The following ZRANB2 variants were observed in gnomAD, a reference collection of about 807,000 sequenced individuals.
The protein encoded by ZRANB2 is zinc finger RANBP2-type containing 2.
In ZRANB2, 19 loss-of-function variants were observed where a neutral mutation model predicts 53.4. The observed-to-expected ratio is 0.36, with a 90% CI of 0.25 to 0.52. The LOEUF is 0.52. Among genes scored for constraint, ZRANB2 ranks in the 20% least tolerant of loss-of-function variants. The pLI is 0.93. For synonymous variants in ZRANB2, 145 were observed against 134.8 expected (o/e 1.08, Z -0.52); for missense variants, 309 against 401.1 (o/e 0.77, Z 1.96).
intron 9 of ZRANB2, chr1:71,065,696 T>C: frequency 3.1e-6 from 5 of 1,612,050 alleles, no homozygotes; most frequent in Non-Finnish European, 4.2e-6. Flanking sequence ...AGTAGTGGTG[T>C]TCCGTAGGGG....
intron 2 of ZRANB2, 43 bp downstream of exon 2, chr1:71,078,613 T>C (rs545885249): frequency 1.9e-6 from 3 of 1,609,254 alleles, no homozygotes; most frequent in Non-Finnish European, 1.7e-6. Flanking sequence ...AATAAATAAA[T>C]GATACATATA....
At position 71,066,820 on chromosome 1, in the gene ZRANB2, A is replaced by G; in HGVS notation, c.885T>C (p.Ser295=). The part of the protein sequence containing the change: ...RKRSRSRSSS[S]GDRKKRRTRS... Reference sequence around the variant, plus strand: ...TTGTTCGTCTTTTTTTGCGATCACCAGATGAAGAAGATCTAGAACGACTTC... The same window carrying G: ...TTGTTCGTCTTTTTTTGCGATCACCGGATGAAGAAGATCTAGAACGACTTC... Residue 295 remains serine, a synonymous_variant, in exon 9 of 10, where the codon TCT becomes TCC. Coordinates refer to ENST00000370920, the MANE Select transcript of ZRANB2 (RefSeq NM_203350.3). The G allele has an allele frequency of 6.2e-7, 1 of 1,612,420 alleles. No homozygotes were observed. Among genetic ancestry groups the G allele is most frequent in the Non-Finnish European group, 8.5e-7 (1 of 1,179,480 alleles).
Position 71,071,401 on chromosome 1 carries a change from G to A in ZRANB2, c.514-405C>T, listed in dbSNP as rs138886244. ...TGCCTCTCTAGTATCTCAATATACT[G>A]ACAGTCATCACTCTGAAACACAGGA... On this transcript the variant is annotated intron_variant, in intron 6 of 9. Transcript: ENST00000370920. Among the ~76,000 whole-genome samples the A allele has an allele frequency of 1.4e-3, 207 of 152,212 alleles. 1 individual carries two copies. Among genetic ancestry groups the A allele is most frequent in the African/African-American group, 4.8e-3 (200 of 41,538 alleles).
At chr1:71,068,673 A>C (rs1452464871) in intron 8 of ZRANB2, among the ~76,000 whole-genome samples, 1 of 152,168 alleles carries the variant, frequency 6.6e-6, no homozygotes, top group Non-Finnish European at 1.5e-5. Flanking sequence ...TGTTTCTGAA[A>C]ATATTGAAAC....
chr1:71,078,746 T>C (rs546713879), intron 1 of ZRANB2, 38 bp from the exon 2 acceptor site: 3 of 1,550,532 alleles, frequency 1.9e-6, no homozygotes, highest in Non-Finnish European at 2.7e-6. Context: ...AAAATTTAAA[T>C]TTGTAAAATT....
At chr1:71,072,385 TAAA>T (rs541112752) in intron 5 of ZRANB2, 84 bp downstream of exon 5, 2 of 1,465,820 alleles carry the variant, frequency 1.4e-6, no homozygotes, top group Non-Finnish European at 1.9e-6. Context: ...AAATTGCACT[TAAA>T]AAAAAGTTTG....
chr1:71,072,060 A>T, intron 6 of ZRANB2, 61 bp downstream of exon 6: 7 of 1,559,732 alleles, frequency 4.5e-6, no homozygotes, highest in Non-Finnish European at 6.0e-6. Flanking sequence ...TGTCAAAAGC[A>T]TTCATGTTAT....
Position 71,070,914 on chromosome 1 carries a change from T to C in ZRANB2, c.596A>G (p.Asn199Ser), listed in dbSNP as rs372977521. Residue 199 changes from asparagine to serine, a missense_variant, in exon 7 of 10, where the codon AAT becomes AGT. Transcript: ENST00000370920. ...EEEDSNKKKS[N>S]RRSRSKSRSS... The stretch of plus-strand genomic sequence containing the variant: ...TCGAGACTTTGAGCGACTTCGTCTA[T>C]TAGATTTCTTTTTATTACTATCTTC... The C allele has an allele frequency of 3.1e-6, 5 of 1,611,428 alleles. No homozygotes were observed. The Admixed American group carries it at 5.0e-5, about 16-fold the overall frequency.
chr1:71,065,080 C>A lies in ZRANB2; in HGVS notation c.987G>T (p.Lys329Asn). 6.2e-7 allele frequency: 1 copy of A among 1,607,972 alleles called. No homozygotes were observed. Among genetic ancestry groups the A allele is most frequent in the South Asian group, 1.1e-5 (1 of 90,618 alleles). Reference protein sequence around the residue: ...SHSGSRSSSKKK With the variant: ...SHSGSRSSSKNK ...AGATGTAAATTTTAATACATTATTT[C>A]TTTTTTGAACTTGAACGGGAACCAG... is the stretch of plus-strand genomic sequence containing the variant. The change falls in exon 10 of 10, where the codon AAG becomes AAT. Residue 329 changes from lysine (K) to asparagine (N), a missense_variant. By Grantham distance (94) the Lys-to-Asn change is moderately conservative (BLOSUM62 0). Transcript: ENST00000370920.
At chr1:71,078,318 T>C in intron 3 of ZRANB2, 139 bp downstream of exon 3, 2 of 686,128 alleles carry the variant, frequency 2.9e-6, no homozygotes, top group Non-Finnish European at 5.0e-6. Flanking sequence ...TACTTAAAGA[T>C]GAGACTGAAT....
chr1:71,066,997 G>GTT, intron 8 of ZRANB2, 63 bp from the exon 9 acceptor site: 3 of 1,444,766 alleles, frequency 2.1e-6, no homozygotes, highest in Non-Finnish European at 9.2e-7. Context: ...AGATTATTTA[G>GTT]TTATCAGATA....
chr1:71,065,912 A>G, intron 9 of ZRANB2: 1 of 1,072,280 alleles, frequency 9.3e-7, no homozygotes, highest in Non-Finnish European at 1.3e-6. Context: ...AATGCAGAGA[A>G]ACAAGACTGT....
intron 8 of ZRANB2, among the ~76,000 whole-genome samples, chr1:71,069,034 T>C (rs1661535250): frequency 6.6e-6 from 1 of 152,078 alleles, no homozygotes; most frequent in Non-Finnish European, 1.5e-5. Context: ...AGTGCCAAAA[T>C]AATAAACGCT....
At chr1:71,069,227 C>T (rs1661540623) in intron 8 of ZRANB2, 49 bp downstream of exon 8, 1 of 1,478,542 alleles carries the variant, frequency 6.8e-7, no homozygotes. Context: ...CTTCTGCAGC[C>T]TTTAAATATT....
intron 8 of ZRANB2, chr1:71,067,814 A>G: frequency 5.5e-6 from 2 of 361,220 alleles, no homozygotes; most frequent in South Asian, 2.2e-5. Flanking sequence ...TTTTACCTAT[A>G]AAGCGCTTAA....
At chr1:71,076,753 C>T (rs201724031) in intron 4 of ZRANB2, 42 bp downstream of exon 4, 6 of 1,447,624 alleles carry the variant, frequency 4.1e-6, no homozygotes, top group Non-Finnish European at 5.8e-6. Flanking sequence ...ATATTTAGTG[C>T]TTTAAAAAAA....
rs1661374002 is a variant in ZRANB2, at chr1:71,064,405, A to T, written c.*669T>A. ...AGCAGAGAAAAGATAAACTCTTAAGACTTTCTTTTTTGCCCCAAATTATGT... is the reference window on the plus strand; with the variant it reads ...AGCAGAGAAAAGATAAACTCTTAAGTCTTTCTTTTTTGCCCCAAATTATGT... On this transcript the variant is annotated 3_prime_UTR_variant, in exon 10 of 10. Coordinates refer to ENST00000370920, the MANE Select transcript of ZRANB2 (RefSeq NM_203350.3). The T allele has an allele frequency of 6.6e-6, 1 of 152,354 alleles. No individual in the cohort carries two copies. Among genetic ancestry groups the T allele is most frequent in the Non-Finnish European group, 1.5e-5 (1 of 67,902 alleles). The allele number at this position is 152,354 out of a possible 1,614,324, so 9.4% of individuals were successfully genotyped here. A position where few individuals can be genotyped will look rare whatever the true frequency, so the allele number is the denominator to read the frequency against.
chr1:71,073,589 T>C (rs991402372), intron 4 of ZRANB2, among the ~76,000 whole-genome samples: 3 of 152,014 alleles, frequency 2.0e-5, no homozygotes, highest in African/African-American at 7.2e-5. Context: ...CATTATACTT[T>C]GTACTAGTGA....
intron 8 of ZRANB2, 43 bp from the exon 9 acceptor site, chr1:71,066,977 G>T: frequency 1.3e-6 from 2 of 1,521,098 alleles, no homozygotes; most frequent in South Asian, 1.3e-5. Flanking sequence ...ATTAAAAGAA[G>T]AAATAAGGAA....
Sources: allele counts gnomAD v4.1 joint callset (sites outside exome capture counted in the v4.1 genomes callset), GRCh38; gene constraint gnomAD v4.1.1; transcripts MANE v1.5; gene names NCBI Gene and HGNC (gene_info 2026-07-23, HGNC 2026-07-21).